MRC1: variants seen among roughly 807,000 people sequenced by gnomAD.
MRC1 encodes macrophage mannose receptor 1.
Under a neutral mutation model 102.9 loss-of-function variants are expected in MRC1, and 62 were observed. The observed-to-expected ratio is 0.60, with a 90% confidence interval of 0.49 to 0.74. The LOEUF is 0.74. MRC1 is among the 30% of genes least tolerant of loss of function. MRC1 has a pLI of 0.00. For synonymous variants in MRC1, 457 were observed against 298.4 expected (o/e 1.53, Z -5.48); for missense variants, 1,237 against 862.8 (o/e 1.43, Z -5.43).
In MRC1 at chr10:17,827,449, G is replaced by T; in HGVS notation, c.464-93G>T. ...GGGTGCATCAAGTGTAATCAGAACA[G>T]TAAGACCAATTCCTTCAGTAGGCTT... On this transcript the variant is annotated intron_variant, in intron 2 of 29. Coordinates refer to ENST00000569591, the MANE Select transcript of MRC1 (RefSeq NM_002438.4). 8.5e-6 allele frequency: 5 copies of T among 591,216 alleles called. 1 individual carries two copies. The highest frequency in any genetic ancestry group is 1.3e-5 in the Non-Finnish European group (4 of 311,072). The allele number at this position is 591,216 out of a possible 1,614,324, so 36.6% of individuals were successfully genotyped here.
chr10:17,891,735 C>A (rs903991518), intron 22 of MRC1, among the ~76,000 whole-genome samples: 1 of 152,162 alleles, frequency 6.6e-6, no homozygotes, highest in African/African-American at 2.4e-5. Flanking sequence ...CTTTAGGTGT[C>A]AGAGGTTAAA....
At chr10:17,907,770 T>C (rs1223165054) in intron 28 of MRC1, 72 bp downstream of exon 28, 6 of 772,106 alleles carry the variant, frequency 7.8e-6, no homozygotes, top group Non-Finnish European at 1.4e-5. Context: ...ATATCAGGTA[T>C]GGAATCATAA....
intron 22 of MRC1, among the ~76,000 whole-genome samples, chr10:17,889,930 A>C (rs1411728033): frequency 1.3e-5 from 2 of 152,132 alleles, no homozygotes; most frequent in Admixed American, 6.6e-5. Flanking sequence ...CTTTTCATTT[A>C]TCTATATAGA....
At chr10:17,837,512 T>C (rs1364975556) in intron 4 of MRC1, among the ~76,000 whole-genome samples, 1 of 152,200 alleles carries the variant, frequency 6.6e-6, no homozygotes, top group African/African-American at 2.4e-5. Flanking sequence ...TTGGAAAATA[T>C]GCCATTAAAA....
At chr10:17,835,233 AT>A (rs1463924274) in intron 4 of MRC1, among the ~76,000 whole-genome samples, 2 of 152,100 alleles carry the variant, frequency 1.3e-5, no homozygotes, top group Admixed American at 1.3e-4. Context: ...CATTTCTCTT[AT>A]TTGCTTATTA....
chr10:17,825,935 T>A (rs1838468156), intron 2 of MRC1, among the ~76,000 whole-genome samples: 1 of 152,194 alleles, frequency 6.6e-6, no homozygotes, highest in South Asian at 2.1e-4. Context: ...AATATATGAT[T>A]TGGAGACCAT....
At chr10:17,822,298 A>G (rs1554838329) in intron 1 of MRC1, among the ~76,000 whole-genome samples, 1 of 152,244 alleles carries the variant, frequency 6.6e-6, no homozygotes, top group African/African-American at 2.4e-5. Context: ...AACAAATAAT[A>G]CCAAAATGTG....
intron 21 of MRC1, among the ~76,000 whole-genome samples, chr10:17,884,633 A>G (rs1393076682): frequency 6.6e-6 from 1 of 152,124 alleles, no homozygotes; most frequent in African/African-American, 2.4e-5. Context: ...AGATAAAACC[A>G]TCAGCTCTTG....
intron 2 of MRC1, among the ~76,000 whole-genome samples, chr10:17,827,271 C>T (rs993159051): frequency 2.7e-5 from 4 of 148,016 alleles, no homozygotes; most frequent in African/African-American, 5.0e-5. Flanking sequence ...TGTCCCAAAA[C>T]GCAGTGGAAA....
At chr10:17,813,650 CATAT>C (rs1162990732) in intron 1 of MRC1, among the ~76,000 whole-genome samples, 3 of 128,758 alleles carry the variant, frequency 2.3e-5, no homozygotes, top group Admixed American at 8.1e-5. Context: ...TAAATATATA[CATAT>C]ATATATATAC....
intron 23 of MRC1, among the ~76,000 whole-genome samples, chr10:17,895,050 T>C (rs1833736211): frequency 6.6e-6 from 1 of 152,084 alleles, no homozygotes; most frequent in Non-Finnish European, 1.5e-5. Context: ...CAAAATTATT[T>C]TATTTTTGTA....
At chr10:17,869,987 C>T (rs1240480419) in intron 12 of MRC1, among the ~76,000 whole-genome samples, 2 of 152,104 alleles carry the variant, frequency 1.3e-5, no homozygotes, top group Non-Finnish European at 2.9e-5. Context: ...CCTAAAGCTC[C>T]TAAGATTTTC....
At chr10:17,868,767 A>G (rs1171908278) in intron 12 of MRC1, among the ~76,000 whole-genome samples, 1 of 152,126 alleles carries the variant, frequency 6.6e-6, no homozygotes, top group Non-Finnish European at 1.5e-5. Flanking sequence ...TGAGCTGGTC[A>G]CTCCCACTAA....
At position 17,900,798 on chromosome 10, in the gene MRC1, A is replaced by C; in HGVS notation, c.3494A>C (p.Gln1165Pro). The C allele has an allele frequency of 1.3e-6, 1 of 780,812 alleles. No homozygotes were observed. Among genetic ancestry groups the C allele is most frequent in the South Asian group, 1.3e-5 (1 of 74,618 alleles). The allele number at this position is 780,812 out of a possible 1,614,324, so 48.4% of individuals were successfully genotyped here. ...IALNSNLTDNQYTWTDKWRVR... is the reference protein window; with the variant it reads ...IALNSNLTDNPYTWTDKWRVR... Reference sequence around the variant, plus strand: ...TTTTTGTCGTTGCAGACTGATAATCAATACACTTGGACTGATAAGTGGAGG... The same window carrying C: ...TTTTTGTCGTTGCAGACTGATAATCCATACACTTGGACTGATAAGTGGAGG... Residue 1165 changes from glutamine (Q) to proline (P), a missense_variant, in exon 25 of 30, where the codon CAA becomes CCA. Gln to Pro is a moderately conservative substitution (Grantham distance 76). Coordinates refer to ENST00000569591, the MANE Select transcript of MRC1 (RefSeq NM_002438.4).
intron 22 of MRC1, among the ~76,000 whole-genome samples, chr10:17,886,729 A>G (rs931547929): frequency 4.6e-5 from 7 of 152,196 alleles, no homozygotes; most frequent in African/African-American, 7.2e-5. Context: ...AATTTAAAAC[A>G]TAATAATTAG....
intron 28 of MRC1, 121 bp downstream of exon 28, chr10:17,907,819 C>T (rs1419655527): frequency 1.7e-5 from 12 of 718,946 alleles, no homozygotes; most frequent in South Asian, 9.7e-5. Context: ...TCCTTTCATC[C>T]GTGAAAAATC....
At position 17,880,801 on chromosome 10, in the gene MRC1, C is replaced by T. The variant is rs1414246675; in HGVS notation, c.2865+131C>T. 26 of 755,766 alleles carry T rather than the reference C, an allele frequency of 3.4e-5. 1 individual carries two copies. Among genetic ancestry groups the T allele is most frequent in the East Asian group, 9.7e-5 (4 of 41,074 alleles). 46.8% of individuals were successfully genotyped at this position (755,766 alleles called of 1,614,324 possible). A position where few individuals can be genotyped will look rare whatever the true frequency, so the allele number is the denominator to read the frequency against. ...TTTGGCAAGAATAGGTGAAAATTCG[C>T]GTGACAAACTCTTTATGGAAATTGA... On this transcript the variant is annotated intron_variant, in intron 20 of 29. Coordinates refer to ENST00000569591, the MANE Select transcript of MRC1 (RefSeq NM_002438.4).
chr10:17,831,371 T>C (rs1838570108), intron 3 of MRC1, among the ~76,000 whole-genome samples: 1 of 151,462 alleles, frequency 6.6e-6, no homozygotes, highest in Admixed American at 6.6e-5. Context: ...CTGATTCAAA[T>C]TTATTTTTAT....
chr10:17,820,081 G>A (rs1056572465), intron 1 of MRC1, among the ~76,000 whole-genome samples: 23 of 152,146 alleles, frequency 1.5e-4, no homozygotes, highest in Non-Finnish European at 2.8e-4. Flanking sequence ...GCCCACCCAC[G>A]CTGAGGAGGG....
Sources: gnomAD v4.1 joint callset for allele counts (sites outside exome capture counted in the v4.1 genomes callset) on GRCh38, gnomAD v4.1.1 for gene constraint, MANE v1.5 for transcripts, NCBI Gene and HGNC (gene_info 2026-07-23, HGNC 2026-07-21) for gene names.